Variants in KSR2 observed in about 807,000 individuals in gnomAD.
KSR2 encodes the protein kinase suppressor of ras 2.
In KSR2, 25 loss-of-function variants were observed where a neutral mutation model predicts 107.8. That is an observed-to-expected ratio of 0.23 (90% CI 0.17 to 0.32). The LOEUF (loss-of-function observed/expected upper bound fraction) is 0.32, where lower values mean the gene tolerates loss of function less well. KSR2 is among the 10% of genes least tolerant of loss of function. The probability of loss-of-function intolerance (pLI) is 1.00; values close to 1 mark genes in which losing one functional copy is unlikely to be tolerated. For synonymous variants in KSR2, 480 were observed against 507.0 expected, an observed-to-expected ratio of 0.95 and a Z score of 0.71; for missense variants, 887 against 1,268.9, an observed-to-expected ratio of 0.70 and a Z score of 4.57.
chr12:117,522,906 T>C (rs1255713531), intron 14 of KSR2, among the ~76,000 whole-genome samples: 1 of 152,138 alleles, frequency 6.6e-6, no homozygotes, highest in Non-Finnish European at 1.5e-5. Context: ...ATCCATAGGA[T>C]AGAGAGAAAC....
intron 5 of KSR2, among the ~76,000 whole-genome samples, chr12:117,612,450 TA>T (rs1166077485): frequency 2.0e-5 from 3 of 151,642 alleles, no homozygotes; most frequent in Admixed American, 6.6e-5. Flanking sequence ...TTCATCATAA[TA>T]AAAAAAATTT....
At position 117,939,944 on chromosome 12, in the gene KSR2, AACACACACAC is replaced by A. The variant is rs10561468; in HGVS notation, c.180+28122_180+28131del. ...CGACAGAGCGAGACTCCATCTTAAA[AACACACACAC>A]ACACACACACACACACACACACACA... On this transcript the variant is annotated intron_variant, in intron 1 of 19. Coordinates refer to ENST00000339824, the MANE Select transcript of KSR2 (RefSeq NM_173598.6). 4.1e-3 allele frequency among the ~76,000 whole-genome samples: 580 copies of A among 140,166 alleles called. 2 individuals carry two copies. The highest frequency in any genetic ancestry group is 0.011 in the Middle Eastern group (3 of 278). The allele number at this position is 140,166 out of a possible 152,430, so 92.0% of individuals were successfully genotyped here. A position where few individuals can be genotyped will look rare whatever the true frequency, so the allele number is the denominator to read the frequency against.
intron 3 of KSR2, among the ~76,000 whole-genome samples, chr12:117,775,680 G>T (rs895660963): frequency 6.6e-6 from 1 of 152,180 alleles, no homozygotes; most frequent in Non-Finnish European, 1.5e-5. Context: ...CCATGTTTCC[G>T]ATGGGGAAAC....
rs184476774 is a variant in KSR2, at chr12:117,864,915, G to C, written c.181-4484C>G. ...GGATTTCAACATTTGAATCTTGAGGGATCACAACTGGAACCAGAACATGGA... is the reference window on the plus strand; with the variant it reads ...GGATTTCAACATTTGAATCTTGAGGCATCACAACTGGAACCAGAACATGGA... On this transcript the variant is annotated intron_variant, in intron 1 of 19. Transcript: ENST00000339824. Among the ~76,000 whole-genome samples, 6 of 151,996 alleles carry C rather than the reference G, an allele frequency of 3.9e-5. No individual in the cohort carries two copies. The East Asian group carries it at 1.2e-3, about 29-fold the overall frequency.
At chr12:117,498,494 G>A (rs1405152870) in intron 14 of KSR2, among the ~76,000 whole-genome samples, 1 of 152,122 alleles carries the variant, frequency 6.6e-6, no homozygotes, top group Non-Finnish European at 1.5e-5. Context: ...AACTGCTCTT[G>A]GAATGAGTGC....
intron 4 of KSR2, among the ~76,000 whole-genome samples, chr12:117,670,112 T>G (rs540362054): frequency 6.6e-6 from 1 of 152,274 alleles, no homozygotes; most frequent in South Asian, 2.1e-4. Flanking sequence ...AAACAAGGAT[T>G]CCAGCAAGGT....
Position 117,667,526 on chromosome 12 carries a change from T to C in KSR2, c.1119A>G (p.Ala373=). 2 of 1,612,526 alleles carry C rather than the reference T, an allele frequency of 1.2e-6. No homozygotes were observed. The highest frequency in any genetic ancestry group is 1.7e-6 in the Non-Finnish European group (2 of 1,179,528). The change falls in exon 5 of 20, where the codon GCA becomes GCG. Residue 373 remains alanine, a synonymous_variant. Transcript: ENST00000339824. ...CAGGAGGGGTGGAAGGCAGGAAAGG[T>C]GCGTGTCCCACAAAGAAGGAGCGGA... is the stretch of plus-strand genomic sequence containing the variant. ...RSLRSFFVGH[A]PFLPSTPPVH... is the part of the protein sequence containing the mutation.
intron 1 of KSR2, among the ~76,000 whole-genome samples, chr12:117,878,255 T>G (rs1171370243): frequency 6.8e-6 from 1 of 147,830 alleles, no homozygotes; most frequent in South Asian, 2.1e-4. Context: ...AACACACGCT[T>G]TCATCCAGGG....
intron 3 of KSR2, among the ~76,000 whole-genome samples, chr12:117,781,454 G>A (rs1406970365): frequency 6.6e-6 from 1 of 152,150 alleles, no homozygotes; most frequent in East Asian, 1.9e-4. Flanking sequence ...CAGATGATGG[G>A]GAGAGGGAAG....
chr12:117,839,422 T>C (rs1456424210), intron 3 of KSR2, among the ~76,000 whole-genome samples: 1 of 152,132 alleles, frequency 6.6e-6, no homozygotes, highest in Non-Finnish European at 1.5e-5. Context: ...GTGCCTTCAT[T>C]CTCTTATCTG....
intron 5 of KSR2, among the ~76,000 whole-genome samples, chr12:117,638,942 C>CTGT (rs2136396769): frequency 6.9e-6 from 1 of 144,008 alleles, no homozygotes; most frequent in African/African-American, 2.6e-5. Context: ...AACTCCATGA[C>CTGT]CAACAAAGTA....
intron 1 of KSR2, among the ~76,000 whole-genome samples, chr12:117,917,615 G>C (rs1381310345): frequency 6.6e-6 from 1 of 152,100 alleles, no homozygotes; most frequent in East Asian, 1.9e-4. Context: ...GAAACACCAG[G>C]GCATGGGGGG....
At chr12:117,701,377 G>C (rs1333452284) in intron 4 of KSR2, among the ~76,000 whole-genome samples, 2 of 152,180 alleles carry the variant, frequency 1.3e-5, no homozygotes, top group Admixed American at 6.5e-5. Context: ...ACAGGTGTGA[G>C]CCACTGCACC....
chr12:117,693,819 G>A (rs1885933512), intron 4 of KSR2, among the ~76,000 whole-genome samples: 1 of 152,150 alleles, frequency 6.6e-6, no homozygotes, highest in East Asian at 1.9e-4. Flanking sequence ...GCTCACAGGG[G>A]AGACTCATTT....
intron 5 of KSR2, among the ~76,000 whole-genome samples, chr12:117,615,263 T>C (rs1311260385): frequency 1.3e-5 from 2 of 150,004 alleles, no homozygotes; most frequent in African/African-American, 4.9e-5. Flanking sequence ...ACACATCAGA[T>C]TCCTCTTTTG....
At chr12:117,679,254 G>A (rs749476632) in intron 4 of KSR2, among the ~76,000 whole-genome samples, 9 of 152,142 alleles carry the variant, frequency 5.9e-5, no homozygotes, top group South Asian at 4.1e-4. Context: ...CACCATGCAC[G>A]GAGCGTTTCC....
chr12:117,795,295 C>A (rs532148574), intron 3 of KSR2, among the ~76,000 whole-genome samples: 117 of 152,138 alleles, frequency 7.7e-4, no homozygotes, highest in Non-Finnish European at 5.1e-4. Flanking sequence ...TAGAAATAGA[C>A]GAAATCCAAC....
At chr12:117,539,632 A>G (rs1487747496) in intron 10 of KSR2, 87 bp downstream of exon 10, 9 of 1,306,206 alleles carry the variant, frequency 6.9e-6, no homozygotes, top group Non-Finnish European at 9.3e-6. Context: ...GACTTGCTGC[A>G]TCAGGGCTCT....
intron 7 of KSR2, among the ~76,000 whole-genome samples, chr12:117,567,872 C>G (rs2136207124): frequency 6.6e-6 from 1 of 151,304 alleles, no homozygotes; most frequent in Non-Finnish European, 1.5e-5. Flanking sequence ...ACTGAGCATT[C>G]TGGTCTCATG....
Sources: gnomAD v4.1 joint callset for allele counts (sites outside exome capture counted in the v4.1 genomes callset) on GRCh38, gnomAD v4.1.1 for gene constraint, MANE v1.5 for transcripts, NCBI Gene and HGNC (gene_info 2026-07-23, HGNC 2026-07-21) for gene names.